EPHA3: variants seen among roughly 807,000 people sequenced by gnomAD.
EPHA3 encodes the protein ephrin type-A receptor 3.
Under a neutral mutation model 107.1 loss-of-function variants are expected in EPHA3, and 42 were observed. The ratio of observed to expected loss-of-function variants is 0.39; its 90% confidence interval spans 0.31 to 0.51. The LOEUF is 0.51. Among genes scored for constraint, EPHA3 ranks in the 20% least tolerant of loss-of-function variants. The pLI is 0.78. For missense variants in EPHA3, 1,183 were observed against 1,211.2 expected (o/e 0.98, Z 0.35); for synonymous variants, 461 against 424.8 (o/e 1.09, Z -1.05).
intron 7 of EPHA3, chr3:89,400,078 TAAAA>T (rs1708927588): frequency 9.8e-7 from 1 of 1,024,290 alleles, no homozygotes; most frequent in Non-Finnish European, 1.2e-6. Context: ...TCTTCATACT[TAAAA>T]AAGCCCTTTG....
At chr3:89,227,526 C>G (rs1220240873) in intron 3 of EPHA3, among the ~76,000 whole-genome samples, 1 of 151,932 alleles carries the variant, frequency 6.6e-6, no homozygotes, top group Admixed American at 6.6e-5. Context: ...CGGTGTTTAA[C>G]ACATTATGGA....
intron 15 of EPHA3, among the ~76,000 whole-genome samples, chr3:89,453,656 T>C (rs1381976528): frequency 6.6e-6 from 1 of 152,216 alleles, no homozygotes; most frequent in East Asian, 1.9e-4. Context: ...CATTACTATA[T>C]GCAACTATGT....
intron 5 of EPHA3, among the ~76,000 whole-genome samples, chr3:89,374,031 G>A (rs1449831112): frequency 2.0e-5 from 3 of 151,622 alleles, no homozygotes; most frequent in African/African-American, 7.3e-5. Flanking sequence ...TTAAAAATGA[G>A]TTTCCGAACT....
intron 2 of EPHA3, among the ~76,000 whole-genome samples, chr3:89,131,381 G>A (rs1704204619): frequency 6.6e-6 from 1 of 152,090 alleles, no homozygotes; most frequent in Non-Finnish European, 1.5e-5. Flanking sequence ...TCTATATATT[G>A]TTAGGTTATT....
intron 3 of EPHA3, among the ~76,000 whole-genome samples, chr3:89,242,662 C>T (rs930001671): frequency 6.6e-6 from 1 of 152,158 alleles, no homozygotes. Context: ...TGGTCTCGAT[C>T]TCCTGACCTT....
intron 15 of EPHA3, among the ~76,000 whole-genome samples, chr3:89,457,697 G>T (rs763589029): frequency 6.6e-6 from 1 of 152,182 alleles, no homozygotes; most frequent in Non-Finnish European, 1.5e-5. Flanking sequence ...AAGGAAAGGG[G>T]AGACACTGAA....
chr3:89,420,845 C>A (rs1188783057), intron 11 of EPHA3, among the ~76,000 whole-genome samples: 2 of 151,388 alleles, frequency 1.3e-5, no homozygotes, highest in African/African-American at 4.8e-5. Flanking sequence ...TTCTAACTCT[C>A]AATTTTTACA....
intron 3 of EPHA3, among the ~76,000 whole-genome samples, chr3:89,247,874 TA>T (rs1402641342): frequency 6.6e-6 from 1 of 152,128 alleles, no homozygotes; most frequent in African/African-American, 2.4e-5. Context: ...CTATAGAGAC[TA>T]AAAAAAGTAG....
chr3:89,353,167 G>C (rs1275204833), intron 5 of EPHA3, among the ~76,000 whole-genome samples: 1 of 151,172 alleles, frequency 6.6e-6, no homozygotes, highest in African/African-American at 2.4e-5. Context: ...AGCTGAATCT[G>C]CCATTAAACT....
chr3:89,163,682 C>T (rs1260249409), intron 2 of EPHA3, among the ~76,000 whole-genome samples: 3 of 152,024 alleles, frequency 2.0e-5, no homozygotes, highest in Non-Finnish European at 2.9e-5. Context: ...GACTCTTGTC[C>T]GATTTCCCAA....
At chr3:89,308,458 G>A (rs1706680343) in intron 3 of EPHA3, among the ~76,000 whole-genome samples, 1 of 152,034 alleles carries the variant, frequency 6.6e-6, no homozygotes, top group Admixed American at 6.6e-5. Context: ...GTAGAGGCAG[G>A]AGTGCAAGAA....
chr3:89,193,608 A>G (rs1238711438), intron 2 of EPHA3, among the ~76,000 whole-genome samples: 1 of 151,996 alleles, frequency 6.6e-6, no homozygotes, highest in Non-Finnish European at 1.5e-5. Context: ...GAAAGAAATG[A>G]TAAATGTATG....
chr3:89,425,097 C>T (rs1709430067), intron 11 of EPHA3, among the ~76,000 whole-genome samples: 2 of 151,212 alleles, frequency 1.3e-5, no homozygotes, highest in Admixed American at 6.6e-5. Flanking sequence ...GGTCTTTGCT[C>T]TCATTAACTC....
At chr3:89,191,452 G>A (rs1236116248) in intron 2 of EPHA3, among the ~76,000 whole-genome samples, 4 of 151,682 alleles carry the variant, frequency 2.6e-5, no homozygotes, top group African/African-American at 9.7e-5. Flanking sequence ...GACTACAGGC[G>A]CCCGCCACCA....
At chr3:89,412,445 A>G (rs1442405218) in intron 9 of EPHA3, among the ~76,000 whole-genome samples, 2 of 151,506 alleles carry the variant, frequency 1.3e-5, no homozygotes, top group African/African-American at 2.4e-5. Context: ...TTTACTTCTA[A>G]TTATGTTATA....
At chr3:89,155,828 C>T (rs1400728693) in intron 2 of EPHA3, among the ~76,000 whole-genome samples, 2 of 151,942 alleles carry the variant, frequency 1.3e-5, no homozygotes, top group African/African-American at 4.8e-5. Flanking sequence ...TCTTTGAAAA[C>T]ATTGAACAGA....
At position 89,480,296 on chromosome 3, in the gene EPHA3, C is replaced by A. The variant is rs1455799428; in HGVS notation, c.*794C>A. 2.6e-5 allele frequency: 6 copies of A among 232,918 alleles called. No individual in the cohort carries two copies. The highest frequency in any genetic ancestry group is 4.4e-5 in the African/African-American group (2 of 45,330). The allele number at this position is 232,918 out of a possible 1,614,324, so 14.4% of individuals were successfully genotyped here. ...TCTTTCAGATTTTTTGAACCATCCA[C>A]TTACATATATTTTTAAAAAATGAAA... On this transcript the variant is annotated 3_prime_UTR_variant, in exon 17 of 17. Coordinates refer to ENST00000336596, the MANE Select transcript of EPHA3 (RefSeq NM_005233.6).
At chr3:89,341,121 CTTGTTACTGTGCTGTTTGTTT>C in intron 4 of EPHA3, 50 bp downstream of exon 4, 1 of 1,570,058 alleles carries the variant, frequency 6.4e-7, no homozygotes, top group Non-Finnish European at 8.6e-7. Flanking sequence ...TTGTTTTCTT[CTTGTTACTGTGCTGTTTGTTT>C]TTGTTTTAAA....
intron 3 of EPHA3, among the ~76,000 whole-genome samples, chr3:89,243,364 C>T (rs1424781786): frequency 2.0e-5 from 3 of 152,138 alleles, no homozygotes; most frequent in Non-Finnish European, 2.9e-5. Context: ...AGTTTACAGT[C>T]CCACCAACAG....
Sources: allele counts gnomAD v4.1 joint callset (sites outside exome capture counted in the v4.1 genomes callset), GRCh38; gene constraint gnomAD v4.1.1; transcripts MANE v1.5; gene names NCBI Gene and HGNC (gene_info 2026-07-23, HGNC 2026-07-21).